JMJD1C: variants seen among roughly 807,000 people sequenced by gnomAD.
JMJD1C encodes jumonji domain containing 1C, also known as jumonji domain-containing protein 1C.
A neutral mutation model predicts 245.3 loss-of-function variants in JMJD1C; 31 were observed. The ratio of observed to expected loss-of-function variants is 0.13; its 90% CI spans 0.09 to 0.17. The LOEUF is 0.17. Ranked by LOEUF, JMJD1C falls within the 10% of genes least tolerant of loss-of-function variation. The pLI, the probability that JMJD1C is intolerant of heterozygous loss-of-function variation, is 1.00. For synonymous variants in JMJD1C, 1,057 were observed against 1,017.4 expected (o/e 1.04, Z -0.74); for missense variants, 2,691 against 3,000.2 (o/e 0.90, Z 2.41).
chr10:63,288,211 G>A (rs1374102419), intron 2 of JMJD1C, among the ~76,000 whole-genome samples: 1 of 152,090 alleles, frequency 6.6e-6, no homozygotes, highest in Non-Finnish European at 1.5e-5. Flanking sequence ...GTTCAAACCT[G>A]TATTGTTCAA....
intron 3 of JMJD1C, among the ~76,000 whole-genome samples, chr10:63,256,877 A>C (rs1234474997): frequency 1.3e-5 from 2 of 152,226 alleles, no homozygotes; most frequent in Non-Finnish European, 2.9e-5. Context: ...ATGCATATGA[A>C]AAGTCAGGGA....
At chr10:63,394,932 C>T (rs1323641244) in intron 1 of JMJD1C, among the ~76,000 whole-genome samples, 2 of 151,530 alleles carry the variant, frequency 1.3e-5, no homozygotes, top group Non-Finnish European at 2.9e-5. Flanking sequence ...TGAAAACAAG[C>T]CACAGACTGT....
At chr10:63,333,847 T>C (rs989070447) in intron 2 of JMJD1C, among the ~76,000 whole-genome samples, 1 of 152,232 alleles carries the variant, frequency 6.6e-6, no homozygotes, top group African/African-American at 2.4e-5. Context: ...CACCTTGATA[T>C]AATTTCTTAG....
chr10:63,176,221 T>C (rs940601229), intron 24 of JMJD1C, 76 bp downstream of exon 24: 22 of 1,070,400 alleles, frequency 2.1e-5, no homozygotes, highest in Admixed American at 1.0e-4. Context: ...TTTATATCTA[T>C]ACTAAGAGCA....
chr10:63,416,801 C>T (rs1464066158), intron 1 of JMJD1C, among the ~76,000 whole-genome samples: 1 of 152,128 alleles, frequency 6.6e-6, no homozygotes, highest in Non-Finnish European at 1.5e-5. Flanking sequence ...TAAATTTTAA[C>T]CTGTTTACTG....
intron 1 of JMJD1C, among the ~76,000 whole-genome samples, chr10:63,415,226 C>T (rs72837012): frequency 0.014 from 2,111 of 151,886 alleles, 35 homozygotes; most frequent in Non-Finnish European, 0.021. Context: ...TACTACGTAT[C>T]AGATATACCT....
chr10:63,407,824 A>C (rs890761507), intron 1 of JMJD1C, among the ~76,000 whole-genome samples: 2 of 151,966 alleles, frequency 1.3e-5, no homozygotes, highest in South Asian at 2.1e-4. Context: ...AACAAACAAA[A>C]AAAAAAACAG....
chr10:63,418,153 C>T (rs1439643585), intron 1 of JMJD1C, among the ~76,000 whole-genome samples: 3 of 152,106 alleles, frequency 2.0e-5, no homozygotes, highest in African/African-American at 7.2e-5. Context: ...TAATTGAGGG[C>T]TTTTAAAGCA....
intron 1 of JMJD1C, among the ~76,000 whole-genome samples, chr10:63,433,476 C>T (rs1272956382): frequency 2.6e-5 from 4 of 151,982 alleles, no homozygotes; most frequent in Admixed American, 2.6e-4. Flanking sequence ...AGGAATAACT[C>T]ATAATTCAAT....
chr10:63,397,244 G>A (rs1021526642), intron 1 of JMJD1C, among the ~76,000 whole-genome samples: 1 of 151,858 alleles, frequency 6.6e-6, no homozygotes, highest in Non-Finnish European at 1.5e-5. Context: ...ACAGAGTTTC[G>A]CTCTTGTCGC....
At chr10:63,489,269 G>A (rs1376970934) in intron 1 of JMJD1C, among the ~76,000 whole-genome samples, 1 of 152,030 alleles carries the variant, frequency 6.6e-6, no homozygotes, top group South Asian at 2.1e-4. Flanking sequence ...GCATGGTGGC[G>A]GGCGCCTGTA....
At chr10:63,194,136 T>C in intron 14 of JMJD1C, 150 bp downstream of exon 14, 1 of 598,436 alleles carries the variant, frequency 1.7e-6, no homozygotes, top group South Asian at 2.1e-5. Context: ...CTGAGCTTTA[T>C]TACATAGAGG....
intron 2 of JMJD1C, among the ~76,000 whole-genome samples, chr10:63,328,913 A>C (rs1032532076): frequency 1.3e-5 from 2 of 152,218 alleles, no homozygotes; most frequent in African/African-American, 4.8e-5. Flanking sequence ...CTAGGATTAC[A>C]CTATCATTTC....
intron 1 of JMJD1C, among the ~76,000 whole-genome samples, chr10:63,494,970 G>A (rs747509146): frequency 2.4e-4 from 37 of 152,180 alleles, no homozygotes; most frequent in South Asian, 2.1e-4. Flanking sequence ...TATGTGAGAA[G>A]ACCCTCCTAT....
intron 2 of JMJD1C, among the ~76,000 whole-genome samples, chr10:63,276,883 G>GATTTTTTTT (rs1210696219): frequency 2.4e-5 from 1 of 41,094 alleles, no homozygotes; most frequent in African/African-American, 1.5e-4. Context: ...GAAGCTTGGG[G>GATTTTTTTT]CTTTTTTTTT....
At chr10:63,439,849 T>C (rs977989818) in intron 1 of JMJD1C, among the ~76,000 whole-genome samples, 4 of 152,190 alleles carry the variant, frequency 2.6e-5, no homozygotes, top group African/African-American at 7.2e-5. Flanking sequence ...TTTAAGTAAT[T>C]TGACATAACA....
intron 24 of JMJD1C, among the ~76,000 whole-genome samples, chr10:63,170,106 T>C (rs1484362969): frequency 6.6e-6 from 1 of 152,208 alleles, no homozygotes; most frequent in Non-Finnish European, 1.5e-5. Context: ...CTAAAATCAT[T>C]TGTAGCTCCA....
intron 1 of JMJD1C, among the ~76,000 whole-genome samples, chr10:63,514,764 G>C (rs1954967847): frequency 6.6e-6 from 1 of 151,586 alleles, no homozygotes; most frequent in African/African-American, 2.4e-5. Context: ...ATGTACCCCA[G>C]AATCTAAAAT....
intron 1 of JMJD1C, chr10:63,427,948 T>C: frequency 1.4e-6 from 1 of 706,436 alleles, no homozygotes; most frequent in Non-Finnish European, 2.6e-6. Flanking sequence ...CAGCAGTTTG[T>C]GTGGCCAGCT....
Sources: allele counts gnomAD v4.1 joint callset (sites outside exome capture counted in the v4.1 genomes callset), GRCh38; gene constraint gnomAD v4.1.1; transcripts MANE v1.5; gene names NCBI Gene and HGNC (gene_info 2026-07-23, HGNC 2026-07-21).